SLMAP: variants seen among roughly 807,000 people sequenced by gnomAD.
SLMAP encodes the protein sarcolemmal membrane-associated protein.
A neutral mutation model predicts 128.8 loss-of-function variants in SLMAP; 44 were observed. That is an observed-to-expected ratio of 0.34 (90% CI 0.27 to 0.44). SLMAP has a LOEUF of 0.44. SLMAP is among the 20% of genes least tolerant of loss of function. The probability of loss-of-function intolerance (pLI) is 1.00; values close to 1 mark genes in which losing one functional copy is unlikely to be tolerated. For missense variants in SLMAP, 787 were observed against 985.3 expected, an observed-to-expected ratio of 0.80 and a Z score of 2.69; for synonymous variants, 327 against 348.8, an observed-to-expected ratio of 0.94 and a Z score of 0.70.
At chr3:57,856,012 C>T (rs1247267503) in intron 6 of SLMAP, among the ~76,000 whole-genome samples, 2 of 151,708 alleles carry the variant, frequency 1.3e-5, no homozygotes, top group African/African-American at 2.4e-5. Flanking sequence ...CATTGCACTC[C>T]AGCCTGGGCA....
At chr3:57,851,481 T>TGTTTTGTTTTG (rs1179212797) in intron 6 of SLMAP, among the ~76,000 whole-genome samples, 69 of 151,798 alleles carry the variant, frequency 4.5e-4, no homozygotes, top group Non-Finnish European at 8.4e-4. Flanking sequence ...GTTTTTGTTT[T>TGTTTTGTTTTG]TTTTTTTTTG....
chr3:57,917,991 G>T (rs1421872627), intron 22 of SLMAP: 1 of 152,144 alleles, frequency 6.6e-6, no homozygotes, highest in South Asian at 2.1e-4. Context: ...GTTTTTCTTT[G>T]CACTTTTCTT....
chr3:57,778,570 CTTTTTTT>C (rs1171049495), intron 2 of SLMAP, among the ~76,000 whole-genome samples: 3 of 115,126 alleles, frequency 2.6e-5, no homozygotes, highest in Non-Finnish European at 3.7e-5. Flanking sequence ...TTCTTTCTTT[CTTTTTTT>C]TTTTTTTTTT....
At chr3:57,921,185 AG>A (rs938685484) in intron 22 of SLMAP, among the ~76,000 whole-genome samples, 66 of 152,334 alleles carry the variant, frequency 4.3e-4, no homozygotes, top group African/African-American at 1.5e-3. Context: ...CATTTAAAGT[AG>A]GGGTAAGCCA....
chr3:57,830,111 T>A (rs1292398298), intron 2 of SLMAP, among the ~76,000 whole-genome samples: 2 of 152,238 alleles, frequency 1.3e-5, no homozygotes, highest in Non-Finnish European at 1.5e-5. Context: ...CTTGGCTCAC[T>A]GCAACCTCTG....
chr3:57,927,007 A>G (rs1424080699), intron 24 of SLMAP, among the ~76,000 whole-genome samples: 6 of 152,114 alleles, frequency 3.9e-5, no homozygotes. Flanking sequence ...AGAGCCCACA[A>G]ATTTTCTTAG....
chr3:57,920,237 C>T (rs571890416), intron 22 of SLMAP, among the ~76,000 whole-genome samples: 1 of 152,212 alleles, frequency 6.6e-6, no homozygotes, highest in Non-Finnish European at 1.5e-5. Flanking sequence ...CAGATCTTCA[C>T]ATCAACTGAA....
intron 7 of SLMAP, 94 bp from the exon 8 acceptor site, chr3:57,857,994 T>C: frequency 2.1e-6 from 2 of 964,050 alleles, no homozygotes; most frequent in Non-Finnish European, 3.3e-6. Flanking sequence ...GTTTTACGCT[T>C]TTATATCTTT....
chr3:57,794,560 A>G (rs1445136830), intron 2 of SLMAP, among the ~76,000 whole-genome samples: 1 of 152,140 alleles, frequency 6.6e-6, no homozygotes, highest in South Asian at 2.1e-4. Flanking sequence ...CTCCCAAAAG[A>G]AAGTTTGTAT....
chr3:57,768,972 T>C (rs2153440856), intron 2 of SLMAP, among the ~76,000 whole-genome samples: 1 of 152,230 alleles, frequency 6.6e-6, no homozygotes, highest in East Asian at 1.9e-4. Context: ...CGTGAGCCAA[T>C]TCCATTAGAT....
intron 4 of SLMAP, among the ~76,000 whole-genome samples, chr3:57,845,198 A>G (rs2153570989): frequency 6.6e-6 from 1 of 152,332 alleles, no homozygotes; most frequent in Admixed American, 6.5e-5. Flanking sequence ...AAAAATCTTT[A>G]CTAGGCACCA....
intron 4 of SLMAP, among the ~76,000 whole-genome samples, chr3:57,842,419 C>T (rs1465467927): frequency 6.6e-6 from 1 of 151,906 alleles, no homozygotes; most frequent in African/African-American, 2.4e-5. Flanking sequence ...TTTGCGATTA[C>T]AGCTTAATTA....
chr3:57,794,464 T>C (rs1462269343), intron 2 of SLMAP, among the ~76,000 whole-genome samples: 1 of 152,250 alleles, frequency 6.6e-6, no homozygotes, highest in Admixed American at 6.5e-5. Context: ...TGTTTTTACT[T>C]TTTAAGTGTA....
rs2077755034 is a variant in SLMAP at position 57,756,756 on chromosome 3, C to G, written c.-896C>G. 6.6e-6 allele frequency: 1 copy of G among 152,284 alleles called. No individual in the cohort carries two copies. The highest frequency in any genetic ancestry group is 2.1e-4 in the South Asian group (1 of 4,832). 9.4% of individuals were successfully genotyped at this position (152,284 alleles called of 1,614,324 possible). ...CGGGGGCGACCCTGAGGGGAGGCGGCCCATGTGCTGAGCGGCGGCCCAGAA... is the reference window on the plus strand; with the variant it reads ...CGGGGGCGACCCTGAGGGGAGGCGGGCCATGTGCTGAGCGGCGGCCCAGAA... On this transcript the variant is annotated 5_prime_UTR_variant, in exon 2 of 25. Transcript: ENST00000671191.
At chr3:57,860,907 G>A in intron 9 of SLMAP, 68 bp downstream of exon 9, 1 of 1,320,000 alleles carries the variant, frequency 7.6e-7, no homozygotes, top group Non-Finnish European at 1.0e-6. Context: ...AGCATTCCAG[G>A]ATACTTTAAA....
At chr3:57,844,711 C>CT (rs35011644) in intron 4 of SLMAP, among the ~76,000 whole-genome samples, 1,048 of 92,256 alleles carry the variant, frequency 0.011, 21 homozygotes, top group African/African-American at 0.019. Context: ...TCTATTTAGA[C>CT]TTTTTTTTTT....
At chr3:57,913,711 C>T (rs1197666471) in intron 21 of SLMAP, among the ~76,000 whole-genome samples, 1 of 152,172 alleles carries the variant, frequency 6.6e-6, no homozygotes, top group Non-Finnish European at 1.5e-5. Flanking sequence ...AATGCCATCA[C>T]TTTGGGAGGC....
intron 22 of SLMAP, among the ~76,000 whole-genome samples, chr3:57,922,672 C>T (rs1215338742): frequency 1.3e-5 from 2 of 152,144 alleles, no homozygotes; most frequent in African/African-American, 4.8e-5. Flanking sequence ...CGTGATCTGC[C>T]CGCCTTGGCC....
chr3:57,884,587 T>C lies in SLMAP; in HGVS notation c.1301-5454T>C, dbSNP rs143132380. Among the ~76,000 whole-genome samples, 409 of 152,196 alleles carry C rather than the reference T, an allele frequency of 2.7e-3. 2 individuals carry two copies. The highest frequency in any genetic ancestry group is 9.2e-3 in the African/African-American group (383 of 41,540). On this transcript the variant is annotated intron_variant, in intron 14 of 24. Transcript: ENST00000671191. The stretch of plus-strand genomic sequence containing the variant: ...ATTTGGGAGGCCAAGGTGGGCAGAT[T>C]GCTTGAGCTCAGGAGTTCGAGACCA...
Sources: allele counts gnomAD v4.1 joint callset (sites outside exome capture counted in the v4.1 genomes callset), GRCh38; gene constraint gnomAD v4.1.1; transcripts MANE v1.5; gene names NCBI Gene and HGNC (gene_info 2026-07-23, HGNC 2026-07-21).